SRGAP3: variants seen among roughly 807,000 people sequenced by gnomAD.
SRGAP3 encodes SLIT-ROBO Rho GTPase activating protein 3, also known as SLIT-ROBO Rho GTPase-activating protein 3.
Under a neutral mutation model 121.1 loss-of-function variants are expected in SRGAP3, and 39 were observed. The observed-to-expected ratio is 0.32, with a 90% confidence interval of 0.25 to 0.42. SRGAP3 has a LOEUF of 0.42. SRGAP3 is among the 10% of genes least tolerant of loss of function. The pLI is 1.00. For synonymous variants in SRGAP3, 601 were observed against 570.0 expected (o/e 1.05, Z -0.77); for missense variants, 1,213 against 1,470.6 (o/e 0.82, Z 2.86).
chr3:9,327,282 A>C (rs1329116765), intron 2 of SRGAP3, among the ~76,000 whole-genome samples: 1 of 151,874 alleles, frequency 6.6e-6, no homozygotes, highest in African/African-American at 2.4e-5. Context: ...GAAAAAACTG[A>C]ATAACACCAT....
chr3:9,107,588 C>A (rs1035493268), intron 2 of SRGAP3, among the ~76,000 whole-genome samples: 18 of 152,242 alleles, frequency 1.2e-4, no homozygotes, highest in African/African-American at 4.3e-4. Context: ...CACGCTAAGG[C>A]AGTGGTTCTC....
At position 9,013,791 on chromosome 3, in the gene SRGAP3, G is replaced by T; in HGVS notation, c.1865C>A (p.Thr622Asn). 5.6e-6 allele frequency: 9 copies of T among 1,614,212 alleles called. No homozygotes were observed. Among genetic ancestry groups the T allele is most frequent in the Non-Finnish European group, 7.6e-6 (9 of 1,180,038 alleles). Residue 622 changes from threonine (T) to asparagine (N), a missense_variant, in exon 16 of 22, where the codon ACC (threonine) becomes AAC (asparagine). By Grantham distance (65) the Thr-to-Asn change is moderately conservative. Around this residue, in one of 2 missense-constraint regions of SRGAP3, gnomAD observed 793 missense variants for 1,032.9 expected, o/e 0.77. Transcript: ENST00000383836. ...GACCACAATGACCACGCGGGGAAGG[G>T]TGACGAGGATTTGTTGGATCTGGTG... ...RVHQIQQILV[T>N]LPRVVIVVMR...
At chr3:9,013,221 T>C in intron 17 of SRGAP3, 87 bp downstream of exon 17, 1 of 1,336,916 alleles carries the variant, frequency 7.5e-7, no homozygotes, top group Non-Finnish European at 1.1e-6. Context: ...TATCAAGCAG[T>C]AAGAAAACTG....
chr3:9,070,863 C>T (rs984281289), intron 4 of SRGAP3, among the ~76,000 whole-genome samples: 1 of 152,170 alleles, frequency 6.6e-6, no homozygotes, highest in Non-Finnish European at 1.5e-5. Context: ...TCATAGGATC[C>T]AAACTGTAGT....
chr3:9,136,322 C>G (rs1364714726), intron 1 of SRGAP3, among the ~76,000 whole-genome samples: 1 of 151,778 alleles, frequency 6.6e-6, no homozygotes, highest in Non-Finnish European at 1.5e-5. Flanking sequence ...CGCCCAGCGC[C>G]GGGGCTGGAG....
intron 1 of SRGAP3, among the ~76,000 whole-genome samples, chr3:9,136,649 G>A (rs1949675984): frequency 6.6e-6 from 1 of 152,214 alleles, no homozygotes; most frequent in Non-Finnish European, 1.5e-5. Flanking sequence ...CCACGTTAGA[G>A]GAGGCAGTGG....
At chr3:8,986,240 G>A (rs1003037459) in intron 21 of SRGAP3, among the ~76,000 whole-genome samples, 1 of 152,120 alleles carries the variant, frequency 6.6e-6, no homozygotes, top group African/African-American at 2.4e-5. Context: ...GTGACCTTAT[G>A]CAAGTTCCCT....
At chr3:9,164,088 C>T (rs1240979985) in intron 1 of SRGAP3, among the ~76,000 whole-genome samples, 1 of 148,186 alleles carries the variant, frequency 6.7e-6, no homozygotes, top group Non-Finnish European at 1.5e-5. Flanking sequence ...ACCTCCGCCT[C>T]CCAGGTTCAA....
Position 9,067,995 on chromosome 3 carries a change from C to T in SRGAP3, c.487-3414G>A, listed in dbSNP as rs377581866. On this transcript the variant is annotated intron_variant, in intron 4 of 21. Transcript: ENST00000383836. ...GGCTAAAGTGTGAGAACGCCTGCTG[C>T]GGCTGTCTCCAGGACCCCACCTTCC... Among the ~76,000 whole-genome samples the T allele has an allele frequency of 1.2e-4, 19 of 152,132 alleles. 1 individual carries two copies. In the East Asian group the frequency reaches 2.3e-3, roughly 19 times the overall value.
chr3:9,358,942 C>T (rs961499668), intron 1 of SRGAP3, among the ~76,000 whole-genome samples: 2 of 152,128 alleles, frequency 1.3e-5, no homozygotes, highest in African/African-American at 4.8e-5. Context: ...AAGAGGTATA[C>T]AAATTTATTA....
chr3:9,096,843 C>G lies in SRGAP3; in HGVS notation c.423+7837G>C, dbSNP rs184211028. Among the ~76,000 whole-genome samples, 6 of 146,502 alleles carry G rather than the reference C, an allele frequency of 4.1e-5. No individual in the cohort carries two copies. In the East Asian group the frequency reaches 7.9e-4, roughly 19 times the overall value. The stretch of plus-strand genomic sequence containing the variant: ...ATCTCATTCTCATTAAATTTCTTCT[C>G]AAAGTCCAAATAATCATCCTAATAA... On this transcript the variant is annotated intron_variant, in intron 3 of 21. Transcript: ENST00000383836.
chr3:9,275,694 T>C (rs1954560270), intron 3 of SRGAP3, among the ~76,000 whole-genome samples: 1 of 152,204 alleles, frequency 6.6e-6, no homozygotes, highest in Non-Finnish European at 1.5e-5. Context: ...CCTGCTGCCA[T>C]GTAAGATGTG....
chr3:9,100,927 G>T (rs1948192225), intron 3 of SRGAP3, among the ~76,000 whole-genome samples: 1 of 152,230 alleles, frequency 6.6e-6, no homozygotes, highest in Admixed American at 6.5e-5. Flanking sequence ...ATTCCAGGAG[G>T]ACGATGGAAG....
At chr3:9,299,530 C>A (rs553355769) in intron 3 of SRGAP3, among the ~76,000 whole-genome samples, 1 of 152,088 alleles carries the variant, frequency 6.6e-6, no homozygotes, top group Non-Finnish European at 1.5e-5. Flanking sequence ...TATCATAAAA[C>A]GCTGGTGGTA....
intron 3 of SRGAP3, among the ~76,000 whole-genome samples, chr3:9,317,130 G>A (rs932603298): frequency 2.0e-5 from 3 of 152,192 alleles, no homozygotes; most frequent in South Asian, 2.1e-4. Flanking sequence ...GCGTTCTTCC[G>A]AGAGCCTGGG....
intron 3 of SRGAP3, among the ~76,000 whole-genome samples, chr3:9,318,775 A>T: frequency 6.6e-6 from 1 of 151,202 alleles, no homozygotes; most frequent in Non-Finnish European, 1.5e-5. Flanking sequence ...GCTACTTAGG[A>T]GGCTGAGATG....
At chr3:9,119,501 C>T (rs1467108741) in intron 2 of SRGAP3, among the ~76,000 whole-genome samples, 1 of 152,238 alleles carries the variant, frequency 6.6e-6, no homozygotes, top group Non-Finnish European at 1.5e-5. Flanking sequence ...CAGGCCTCAG[C>T]TTAAACCACG....
chr3:9,259,717 T>A (rs537809418), intron 3 of SRGAP3, among the ~76,000 whole-genome samples: 1 of 152,306 alleles, frequency 6.6e-6, no homozygotes, highest in African/African-American at 2.4e-5. Flanking sequence ...TTTCTGTACC[T>A]GCACTGTCCA....
chr3:9,180,450 G>A (rs1951345063), intron 1 of SRGAP3, among the ~76,000 whole-genome samples: 1 of 152,174 alleles, frequency 6.6e-6, no homozygotes, highest in Admixed American at 6.5e-5. Context: ...TCTTTTGGCT[G>A]CAGAAGCAGG....
Sources: gnomAD v4.1 joint callset for allele counts (sites outside exome capture counted in the v4.1 genomes callset) on GRCh38, gnomAD v4.1.1 for gene constraint, gnomAD v4.1.1 regional missense constraint, MANE v1.5 for transcripts, NCBI Gene and HGNC (gene_info 2026-07-23, HGNC 2026-07-21) for gene names.